Variants in C8orf34 observed in about 807,000 individuals in gnomAD.
C8orf34 encodes chromosome 8 open reading frame 34.
Under a neutral mutation model 68.3 loss-of-function variants are expected in C8orf34, and 65 were observed. The observed-to-expected ratio is 0.95, with a 90% CI of 0.78 to 1.17. The LOEUF (loss-of-function observed/expected upper bound fraction) is 1.17. Among genes scored for constraint, C8orf34 ranks in the 50% most tolerant of loss-of-function variants. The pLI is 0.00. For synonymous variants in C8orf34, 244 were observed against 241.2 expected (o/e 1.01, Z -0.11); for missense variants, 664 against 655.4 (o/e 1.01, Z -0.14).
chr8:68,700,377 G>T (rs1469404090), intron 8 of C8orf34, among the ~76,000 whole-genome samples: 1 of 152,030 alleles, frequency 6.6e-6, no homozygotes, highest in Non-Finnish European at 1.5e-5. Context: ...AAGGATGAAA[G>T]CGAAGAGCGA....
At chr8:68,749,341 A>G (rs1465003930) in intron 10 of C8orf34, among the ~76,000 whole-genome samples, 2 of 152,166 alleles carry the variant, frequency 1.3e-5, no homozygotes, top group African/African-American at 4.8e-5. Context: ...TACATATGTA[A>G]CTAACGTGCA....
rs980646775 is a variant in C8orf34, at chr8:68,340,984, G to A, written c.327+9645G>A. Among the ~76,000 whole-genome samples, 5 of 152,164 alleles carry A rather than the reference G, an allele frequency of 3.3e-5. No individual in the cohort carries two copies. In the South Asian group the frequency reaches 6.2e-4, roughly 19 times the overall value. On this transcript the variant is annotated intron_variant, in intron 1 of 13. Transcript: ENST00000518698. ...TGACCAAGTCAGGTTTCTTACAGAG[G>A]TGCAAGGATAATCCAATTAGAAAAT...
chr8:68,639,725 A>G (rs754297233), intron 7 of C8orf34, among the ~76,000 whole-genome samples: 2 of 152,194 alleles, frequency 1.3e-5, no homozygotes, highest in Non-Finnish European at 2.9e-5. Flanking sequence ...GAGAAAATTT[A>G]GTTCTTTTCA....
chr8:68,741,920 C>G (rs1395129180), intron 10 of C8orf34, among the ~76,000 whole-genome samples: 1 of 152,174 alleles, frequency 6.6e-6, no homozygotes, highest in Non-Finnish European at 1.5e-5. Flanking sequence ...ACTCACACTC[C>G]TCAGTCACTG....
intron 3 of C8orf34, among the ~76,000 whole-genome samples, chr8:68,454,057 G>A (rs567586956): frequency 7.2e-5 from 11 of 151,956 alleles, no homozygotes; most frequent in Admixed American, 1.3e-4. Flanking sequence ...TTATCATTCC[G>A]TTAATATGAT....
intron 10 of C8orf34, among the ~76,000 whole-genome samples, chr8:68,758,030 C>T (rs1001943022): frequency 2.5e-4 from 38 of 152,206 alleles, no homozygotes; most frequent in Admixed American, 2.3e-3. Flanking sequence ...ACAAAGTACA[C>T]GTTCAGTCAG....
chr8:68,557,276 A>T (rs528326012), intron 7 of C8orf34, among the ~76,000 whole-genome samples: 11 of 152,144 alleles, frequency 7.2e-5, no homozygotes, highest in Non-Finnish European at 1.5e-4. Context: ...TACACTGAAA[A>T]ATCCATTAAC....
At chr8:68,446,560 A>T in intron 3 of C8orf34, 100 bp downstream of exon 3, 1 of 1,260,798 alleles carries the variant, frequency 7.9e-7, no homozygotes, top group Non-Finnish European at 1.1e-6. Context: ...TTTTCATCTG[A>T]TATTTCTGGC....
At chr8:68,534,843 T>G in intron 7 of C8orf34, 1 of 985,380 alleles carries the variant, frequency 1.0e-6, no homozygotes, top group Non-Finnish European at 1.2e-6. Context: ...GGTTCTAGTC[T>G]CCCAAGCTGA....
chr8:68,681,179 A>G (rs1183586149), intron 8 of C8orf34, among the ~76,000 whole-genome samples: 1 of 152,172 alleles, frequency 6.6e-6, no homozygotes, highest in East Asian at 1.9e-4. Context: ...TTGTTCAAAC[A>G]CACATATTTT....
intron 7 of C8orf34, among the ~76,000 whole-genome samples, chr8:68,631,932 T>G (rs1208319703): frequency 6.6e-6 from 1 of 152,134 alleles, no homozygotes. Flanking sequence ...TCTCGGGAAG[T>G]TTTTTATACA....
At chr8:68,353,098 C>G (rs945790769) in intron 1 of C8orf34, among the ~76,000 whole-genome samples, 1 of 151,888 alleles carries the variant, frequency 6.6e-6, no homozygotes, top group African/African-American at 2.4e-5. Flanking sequence ...GTAGGGAAAC[C>G]CATGGGCTAG....
chr8:68,442,960 C>T (rs149176809), intron 2 of C8orf34, among the ~76,000 whole-genome samples: 197 of 152,252 alleles, frequency 1.3e-3, no homozygotes, highest in African/African-American at 4.2e-3. Context: ...GAGAAATGAG[C>T]AGTATAGCTA....
intron 7 of C8orf34, among the ~76,000 whole-genome samples, chr8:68,577,447 A>T (rs955735257): frequency 6.6e-6 from 1 of 151,954 alleles, no homozygotes; most frequent in Non-Finnish European, 1.5e-5. Flanking sequence ...CCATTTTTTA[A>T]TTGCCTTACG....
intron 11 of C8orf34, among the ~76,000 whole-genome samples, chr8:68,781,841 A>C (rs1001372384): frequency 2.0e-5 from 3 of 152,216 alleles, no homozygotes; most frequent in Admixed American, 6.5e-5. Context: ...TTACCAAGCT[A>C]ATGTTCCATT....
At chr8:68,409,353 A>G (rs1809344847) in intron 1 of C8orf34, among the ~76,000 whole-genome samples, 1 of 152,166 alleles carries the variant, frequency 6.6e-6, no homozygotes, top group South Asian at 2.1e-4. Context: ...TTCCAGTGGG[A>G]CAAGATGTGG....
chr8:68,684,619 A>T (rs1280185109), intron 8 of C8orf34, among the ~76,000 whole-genome samples: 3 of 152,102 alleles, frequency 2.0e-5, no homozygotes, highest in Non-Finnish European at 2.9e-5. Flanking sequence ...CTGACATTAT[A>T]TATGATTTCT....
At chr8:68,369,014 G>A (rs916231096) in intron 1 of C8orf34, among the ~76,000 whole-genome samples, 1 of 152,142 alleles carries the variant, frequency 6.6e-6, no homozygotes, top group Non-Finnish European at 1.5e-5. Context: ...ATAATGCAAG[G>A]ATTTTAGAGC....
intron 1 of C8orf34, among the ~76,000 whole-genome samples, chr8:68,419,845 GGAGGGATGGCATTGGGA>G (rs1809869652): frequency 9.2e-6 from 1 of 109,192 alleles, no homozygotes; most frequent in South Asian, 4.1e-4. Context: ...GGGGAAGGGG[GGAGGGATGGCATTGGGA>G]GATATACCTA....
Sources: allele counts gnomAD v4.1 joint callset (sites outside exome capture counted in the v4.1 genomes callset), GRCh38; gene constraint gnomAD v4.1.1; transcripts MANE v1.5; gene names NCBI Gene and HGNC (gene_info 2026-07-23, HGNC 2026-07-21).